TMSB15B: variants seen among roughly 807,000 people sequenced by gnomAD.
TMSB15B encodes thymosin beta-15B.
At chrX:103,920,485 T>C (rs1293997961) in intron 1 of TMSB15B, among the ~76,000 whole-genome samples, 17 of 112,175 alleles carry the variant, frequency 1.5e-4, no homozygotes, top group East Asian at 5.6e-4. Flanking sequence ...AATGGGCCTG[T>C]CATCAGTGTA....
At chrX:103,944,916 T>A (rs1258855228) in intron 1 of TMSB15B, among the ~76,000 whole-genome samples, 5 of 111,863 alleles carry the variant, frequency 4.5e-5, no homozygotes, top group African/African-American at 6.5e-5. Context: ...TAGCTGGGAC[T>A]ACAGGCATGC....
intron 1 of TMSB15B, among the ~76,000 whole-genome samples, chrX:103,953,545 G>C (rs1556328657): frequency 8.9e-6 from 1 of 112,750 alleles, no homozygotes; most frequent in Non-Finnish European, 1.9e-5. Context: ...GAGCTCCAAG[G>C]GGGAGGGGCG....
intron 1 of TMSB15B, chrX:103,932,947 A>C (rs1295272236): frequency 4.5e-5 from 5 of 111,989 alleles, no homozygotes; most frequent in Non-Finnish European, 9.4e-5. Flanking sequence ...AAGCCATCAC[A>C]AAACACAATA....
At chrX:103,930,714 A>G (rs1206000603) in intron 1 of TMSB15B, among the ~76,000 whole-genome samples, 1 of 82,154 alleles carries the variant, frequency 1.2e-5, no homozygotes, top group Non-Finnish European at 2.4e-5. Context: ...GCTAATGATA[A>G]TGATGCTGTT....
intron 1 of TMSB15B, among the ~76,000 whole-genome samples, chrX:103,930,140 C>T (rs2074980580): frequency 9.0e-6 from 1 of 111,548 alleles, no homozygotes; most frequent in Admixed American, 9.6e-5. Flanking sequence ...TTTCACTCCA[C>T]TTACATAAAC....
At chrX:103,940,956 T>C in intron 1 of TMSB15B, among the ~76,000 whole-genome samples, 1 of 111,277 alleles carries the variant, frequency 9.0e-6, no homozygotes. Context: ...TTCCCTTGGC[T>C]AGGGGAGGTA....
chrX:103,942,490 A>G (rs2075015049), intron 1 of TMSB15B, among the ~76,000 whole-genome samples: 1 of 112,063 alleles, frequency 8.9e-6, no homozygotes, highest in Non-Finnish European at 1.9e-5. Context: ...ATGTGCCAAT[A>G]CAGCATTGCC....
intron 1 of TMSB15B, chrX:103,919,383 C>A (rs2074944495): frequency 8.9e-6 from 1 of 112,540 alleles, no homozygotes. Flanking sequence ...GCCTGAAACA[C>A]GAGGTGGGAC....
At chrX:103,925,286 G>T (rs1413492431) in intron 1 of TMSB15B, among the ~76,000 whole-genome samples, 5 of 111,793 alleles carry the variant, frequency 4.5e-5, no homozygotes, top group Non-Finnish European at 9.4e-5. Context: ...TTCAGTCTCG[G>T]GTCTGTCTGC....
chrX:103,954,670 G>C lies in TMSB15B; in HGVS notation c.-720-7351G>C, dbSNP rs139534260. Among the ~76,000 whole-genome samples the C allele has an allele frequency of 8.1e-5, 9 of 111,402 alleles. No individual in the cohort carries two copies. The East Asian group carries it at 2.6e-3, about 32-fold the overall frequency. ...AGCCAGCAAGTCTTGCCTCACCAGCGAACAGTGAACAGGGGATCTGCCCAT... is the reference window on the plus strand; with the variant it reads ...AGCCAGCAAGTCTTGCCTCACCAGCCAACAGTGAACAGGGGATCTGCCCAT... On this transcript the variant is annotated intron_variant, in intron 1 of 3. Transcript: ENST00000419165.
At chrX:103,932,829 A>T (rs1556320164) in intron 1 of TMSB15B, 1 of 111,803 alleles carries the variant, frequency 8.9e-6, no homozygotes, top group African/African-American at 3.2e-5. Context: ...AGGAGTTGAG[A>T]TCAATAAAAT....
chrX:103,930,734 A>G lies in TMSB15B; in HGVS notation c.-721+11442A>G, dbSNP rs5945862. Among the ~76,000 whole-genome samples, 452 of 101,854 alleles carry G rather than the reference A, an allele frequency of 4.4e-3. 1 individual carries two copies. Among genetic ancestry groups the G allele is most frequent in the Middle Eastern group, 0.015 (3 of 194 alleles). 88.4% of individuals were successfully genotyped at this position (101,854 alleles called of 115,157 possible). A position where few individuals can be genotyped will look rare whatever the true frequency, so the allele number is the denominator to read the frequency against. On this transcript the variant is annotated intron_variant, in intron 1 of 3. Transcript: ENST00000419165. ...TGATAATGATGCTGTTGATAATAAT[A>G]ATAATAATAATAATAATAATAATAA...
At chrX:103,929,094 G>T in intron 1 of TMSB15B, 1 of 835,609 alleles carries the variant, frequency 1.2e-6, no homozygotes, top group South Asian at 3.6e-5. Context: ...TTACTTCTTT[G>T]GCTCGGTTGC....
chrX:103,931,610 GAAT>G (rs2074985092), intron 1 of TMSB15B: 1 of 112,519 alleles, frequency 8.9e-6, no homozygotes, highest in African/African-American at 3.2e-5. Flanking sequence ...CGTTATTGCA[GAAT>G]ATTATAAAAT....
At chrX:103,953,418 A>C (rs2075043744) in intron 1 of TMSB15B, among the ~76,000 whole-genome samples, 1 of 112,659 alleles carries the variant, frequency 8.9e-6, no homozygotes, top group South Asian at 3.7e-4. Flanking sequence ...GACTGAATCC[A>C]GTGGGCCAAG....
chrX:103,940,565 T>C (rs2075010056), intron 1 of TMSB15B, among the ~76,000 whole-genome samples: 1 of 111,051 alleles, frequency 9.0e-6, no homozygotes, highest in South Asian at 4.0e-4. Flanking sequence ...CAGCAAGAAC[T>C]TCAAGCCAGT....
chrX:103,921,692 G>T (rs1302473393), intron 1 of TMSB15B, among the ~76,000 whole-genome samples: 1 of 112,249 alleles, frequency 8.9e-6, no homozygotes, highest in Non-Finnish European at 1.9e-5. Flanking sequence ...TTAGAAGCTT[G>T]AAGGTTTAGA....
intron 1 of TMSB15B, among the ~76,000 whole-genome samples, chrX:103,936,382 T>G (rs1336826573): frequency 8.9e-6 from 1 of 111,746 alleles, no homozygotes; most frequent in Non-Finnish European, 1.9e-5. Flanking sequence ...TTGTAAGTTG[T>G]ATTCCTAGGT....
In TMSB15B at chrX:103,926,579, C is replaced by T. The variant is rs147520173; in HGVS notation, c.-721+7287C>T. On this transcript the variant is annotated intron_variant, in intron 1 of 3. Coordinates refer to the TMSB15B transcript ENST00000419165. ...GCAGGGAGAAGGGGCTAGGGAAGAG[C>T]AGAGCTAATGGGAGTGATTCTGGAA... 3.4e-3 allele frequency among the ~76,000 whole-genome samples: 375 copies of T among 109,636 alleles called. 2 individuals are homozygous for T. Among genetic ancestry groups the T allele is most frequent in the Non-Finnish European group, 4.0e-3 (211 of 52,494 alleles).
Sources: gnomAD v4.1 joint callset for allele counts (sites outside exome capture counted in the v4.1 genomes callset) on GRCh38, gnomAD v4.1.1 for gene constraint, MANE v1.5 for transcripts, NCBI Gene and HGNC (gene_info 2026-07-23, HGNC 2026-07-21) for gene names.